The following SLC30A6 variants were observed in gnomAD, a reference collection of about 807,000 sequenced individuals.
SLC30A6 encodes the protein zinc transporter 6.
Under a neutral mutation model 63.0 loss-of-function variants are expected in SLC30A6, and 55 were observed. The ratio of observed to expected loss-of-function variants is 0.87; its 90% CI spans 0.70 to 1.09. SLC30A6 has a LOEUF of 1.09. Among genes scored for constraint, SLC30A6 ranks in the 50% least tolerant of loss-of-function variants. The probability of loss-of-function intolerance (pLI) is 0.00; values close to 1 mark genes in which losing one functional copy is unlikely to be tolerated. For synonymous variants in SLC30A6, 224 were observed against 186.1 expected, an observed-to-expected ratio of 1.20 and a Z score of -1.66; for missense variants, 587 against 549.2, an observed-to-expected ratio of 1.07 and a Z score of -0.69.
intron 10 of SLC30A6, among the ~76,000 whole-genome samples, chr2:32,199,310 T>C (rs1453715537): frequency 6.6e-6 from 1 of 152,300 alleles, no homozygotes; most frequent in South Asian, 2.1e-4. Flanking sequence ...TGAACACGAG[T>C]GTACAAATAT....
chr2:32,216,534 AAAATAAATAAATAAATAAATAAATAAAT>A (rs199888607), intron 13 of SLC30A6, among the ~76,000 whole-genome samples: 88 of 133,082 alleles, frequency 6.6e-4, no homozygotes, highest in Non-Finnish European at 1.2e-3. Context: ...AGACTCTCTC[AAAATAAATAAATAAATAAATAAATAAAT>A]AAATAAATAA....
intron 2 of SLC30A6, among the ~76,000 whole-genome samples, chr2:32,172,425 G>A (rs1681316110): frequency 1.3e-5 from 2 of 151,586 alleles, no homozygotes; most frequent in Admixed American, 1.3e-4. Flanking sequence ...AATTATCCAG[G>A]CTGGTCTTGA....
chr2:32,213,570 T>C (rs969203068), intron 13 of SLC30A6, among the ~76,000 whole-genome samples: 13 of 152,234 alleles, frequency 8.5e-5, no homozygotes, highest in African/African-American at 3.1e-4. Flanking sequence ...TTACACCTTT[T>C]ATTTGGGTTT....
intron 6 of SLC30A6, among the ~76,000 whole-genome samples, 182 bp from the exon 7 acceptor site, chr2:32,192,736 T>C (rs1276656904): frequency 1.3e-5 from 2 of 152,114 alleles, no homozygotes; most frequent in African/African-American, 4.8e-5. Context: ...GGATAATTTG[T>C]GAAAAAAGAA....
intron 1 of SLC30A6, 37 bp downstream of exon 1, chr2:32,165,940 C>A (rs1007009777): frequency 6.2e-7 from 1 of 1,614,108 alleles, no homozygotes; most frequent in Non-Finnish European, 8.5e-7. Flanking sequence ...TCGGCTGTAG[C>A]TGATTCGGTT....
intron 4 of SLC30A6, among the ~76,000 whole-genome samples, chr2:32,180,126 G>A (rs975188664): frequency 7.2e-5 from 11 of 152,090 alleles, no homozygotes; most frequent in African/African-American, 2.4e-4. Flanking sequence ...TATAGACCAG[G>A]CACAGTGGCT....
At chr2:32,185,360 A>C (rs897540709) in intron 5 of SLC30A6, among the ~76,000 whole-genome samples, 1 of 152,180 alleles carries the variant, frequency 6.6e-6, no homozygotes, top group Admixed American at 6.6e-5. Context: ...TGTCTCAAAA[A>C]AAAAAAAAAA....
intron 10 of SLC30A6, chr2:32,201,860 A>T: frequency 7.0e-7 from 1 of 1,438,642 alleles, no homozygotes; most frequent in Non-Finnish European, 9.7e-7. Context: ...ACAAGAGAAA[A>T]TGGTGTTACA....
chr2:32,203,828 G>C, intron 10 of SLC30A6: 1 of 1,425,768 alleles, frequency 7.0e-7, no homozygotes, highest in Non-Finnish European at 9.9e-7. Context: ...TCTAATTCCA[G>C]ACAGAGGAGT....
intron 12 of SLC30A6, among the ~76,000 whole-genome samples, chr2:32,208,194 G>C (rs1268634979): frequency 1.3e-5 from 2 of 150,176 alleles, no homozygotes; most frequent in Non-Finnish European, 1.5e-5. Context: ...GCAGTGGCAT[G>C]ATCTTGGTTC....
At chr2:32,173,176 A>C (rs989506557) in intron 2 of SLC30A6, among the ~76,000 whole-genome samples, 1 of 152,158 alleles carries the variant, frequency 6.6e-6, no homozygotes, top group African/African-American at 2.4e-5. Context: ...TAGCAAACCT[A>C]CTTGAAAGAA....
At chr2:32,191,856 C>T (rs1463275174) in intron 5 of SLC30A6, among the ~76,000 whole-genome samples, 1 of 151,562 alleles carries the variant, frequency 6.6e-6, no homozygotes, top group Non-Finnish European at 1.5e-5. Context: ...TAGTGAGACC[C>T]CCATCTCTTG....
At chr2:32,201,895 A>G in intron 10 of SLC30A6, 2 of 1,458,624 alleles carry the variant, frequency 1.4e-6, no homozygotes, top group Admixed American at 2.0e-5. Flanking sequence ...TCCCAAGACC[A>G]AAAAAATTAA....
chr2:32,197,320 A>T, intron 8 of SLC30A6, 24 bp from the exon 9 acceptor site: 1 of 1,595,732 alleles, frequency 6.3e-7, no homozygotes, highest in South Asian at 1.1e-5. Flanking sequence ...CTATATAGAT[A>T]ATTTAAGTAT....
intron 10 of SLC30A6, among the ~76,000 whole-genome samples, chr2:32,200,456 T>G (rs1280683474): frequency 1.3e-5 from 2 of 151,806 alleles, no homozygotes; most frequent in East Asian, 1.9e-4. Flanking sequence ...ATGGTTGCTG[T>G]GTCTGTGTAG....
chr2:32,202,183 TC>T, intron 10 of SLC30A6: 1 of 793,676 alleles, frequency 1.3e-6, no homozygotes, highest in Non-Finnish European at 2.0e-6. Context: ...AGGGGTAACA[TC>T]TCTCTTTCCT....
At chr2:32,171,696 A>T (rs972805726) in intron 2 of SLC30A6, among the ~76,000 whole-genome samples, 1 of 146,884 alleles carries the variant, frequency 6.8e-6, no homozygotes, top group Non-Finnish European at 1.5e-5. Flanking sequence ...TCTTTTATTT[A>T]TTTTTTTTTT....
intron 4 of SLC30A6, among the ~76,000 whole-genome samples, chr2:32,182,056 CTG>C (rs928826085): frequency 6.6e-6 from 1 of 150,866 alleles, no homozygotes; most frequent in African/African-American, 2.4e-5. Context: ...ACCCTAGCCT[CTG>C]GGGTAGCTGG....
chr2:32,198,480 T>C (rs1284509569), intron 10 of SLC30A6, among the ~76,000 whole-genome samples: 1 of 152,208 alleles, frequency 6.6e-6, no homozygotes, highest in East Asian at 1.9e-4. Flanking sequence ...CTGAAACTGT[T>C]TTTTCTTCTA....
Sources: allele counts gnomAD v4.1 joint callset (sites outside exome capture counted in the v4.1 genomes callset), GRCh38; gene constraint gnomAD v4.1.1; transcripts MANE v1.5; gene names NCBI Gene and HGNC (gene_info 2026-07-23, HGNC 2026-07-21).